Variants in GABBR2 observed in about 807,000 individuals in gnomAD.
The protein encoded by GABBR2 is gamma-aminobutyric acid type B receptor subunit 2, also known as G-protein coupled receptor 51.
Under a neutral mutation model 105.6 loss-of-function variants are expected in GABBR2, and 23 were observed. The ratio of observed to expected loss-of-function variants is 0.22; its 90% CI spans 0.16 to 0.31. The LOEUF is 0.31. GABBR2 is among the 10% of genes least tolerant of loss of function. The probability of loss-of-function intolerance (pLI) is 1.00; values close to 1 mark genes in which losing one functional copy is unlikely to be tolerated. For missense variants in GABBR2, 734 were observed against 1,245.5 expected, an observed-to-expected ratio of 0.59 and a Z score of 6.18; for synonymous variants, 478 against 499.7, an observed-to-expected ratio of 0.96 and a Z score of 0.58.
chr9:98,573,615 G>A (rs745818209), intron 2 of GABBR2, among the ~76,000 whole-genome samples: 58 of 152,130 alleles, frequency 3.8e-4, no homozygotes, highest in Non-Finnish European at 6.3e-4. Flanking sequence ...GTTAATTGAG[G>A]TAAAATATAC....
intron 1 of GABBR2, among the ~76,000 whole-genome samples, chr9:98,672,572 AGCCC>A (rs1830420694): frequency 1.3e-5 from 2 of 152,250 alleles, no homozygotes; most frequent in Non-Finnish European, 2.9e-5. Flanking sequence ...ATTCTGCTGA[AGCCC>A]TGCTGTTTGT....
At chr9:98,309,912 G>GATCA (rs1303445264) in intron 14 of GABBR2, among the ~76,000 whole-genome samples, 4 of 152,200 alleles carry the variant, frequency 2.6e-5, no homozygotes, top group Admixed American at 2.6e-4. Flanking sequence ...AAGGACACAG[G>GATCA]ATCAATCACT....
At chr9:98,312,574 C>G (rs1830652259) in intron 13 of GABBR2, among the ~76,000 whole-genome samples, 1 of 152,176 alleles carries the variant, frequency 6.6e-6, no homozygotes, top group African/African-American at 2.4e-5. Context: ...GTGTAAGTAT[C>G]CTGTTCCCCC....
intron 4 of GABBR2, 42 bp downstream of exon 4, chr9:98,496,371 T>A (rs1207342853): frequency 8.0e-7 from 1 of 1,252,126 alleles, no homozygotes; most frequent in South Asian, 1.2e-5. Flanking sequence ...CCCAGGGCAT[T>A]GAGATCAGTC....
intron 1 of GABBR2, among the ~76,000 whole-genome samples, chr9:98,599,154 C>A (rs1334470575): frequency 6.6e-6 from 1 of 152,162 alleles, no homozygotes; most frequent in Non-Finnish European, 1.5e-5. Flanking sequence ...GTGAGGACTC[C>A]AACCTAGGGG....
At chr9:98,417,174 T>C (rs974564827) in intron 7 of GABBR2, among the ~76,000 whole-genome samples, 4 of 152,078 alleles carry the variant, frequency 2.6e-5, no homozygotes, top group Admixed American at 2.0e-4. Flanking sequence ...TGAGTTGAGT[T>C]GAGTTGAATG....
At chr9:98,328,760 T>A (rs560220727) in intron 13 of GABBR2, among the ~76,000 whole-genome samples, 1 of 152,300 alleles carries the variant, frequency 6.6e-6, no homozygotes, top group East Asian at 1.9e-4. Context: ...GGGCCAGAAC[T>A]GCCTGGTGAC....
chr9:98,644,750 T>TG (rs1159707365), intron 1 of GABBR2, among the ~76,000 whole-genome samples: 1 of 152,144 alleles, frequency 6.6e-6, no homozygotes, highest in Non-Finnish European at 1.5e-5. Flanking sequence ...GAAAATTGCT[T>TG]GAACCTTGGA....
At chr9:98,647,193 A>T (rs929302175) in intron 1 of GABBR2, among the ~76,000 whole-genome samples, 12 of 152,242 alleles carry the variant, frequency 7.9e-5, no homozygotes, top group African/African-American at 2.7e-4. Context: ...CACCTCTAGG[A>T]AGAGGCCTCC....
intron 7 of GABBR2, among the ~76,000 whole-genome samples, chr9:98,447,085 G>A (rs1186590992): frequency 9.3e-5 from 8 of 85,606 alleles, no homozygotes; most frequent in Admixed American, 2.4e-4. Flanking sequence ...TTTTTGAGAC[G>A]GAGTCTCGCT....
At chr9:98,303,083 GT>G (rs1410966303) in intron 16 of GABBR2, among the ~76,000 whole-genome samples, 157 bp downstream of exon 16, 19 of 152,188 alleles carry the variant, frequency 1.2e-4, no homozygotes, top group Non-Finnish European at 1.0e-4. Context: ...CCTCTGTGTG[GT>G]TTATGTCACC....
chr9:98,422,496 C>CTGTGTGTGTGTGTGTGTG (rs370880704), intron 7 of GABBR2, among the ~76,000 whole-genome samples: 3 of 146,374 alleles, frequency 2.0e-5, no homozygotes, highest in African/African-American at 7.6e-5. Context: ...CTTAATGCAC[C>CTGTGTGTGTGTGTGTGTG]TGTGTGTGTG....
intron 3 of GABBR2, among the ~76,000 whole-genome samples, chr9:98,509,390 C>G (rs55965960): frequency 0.048 from 7,285 of 152,310 alleles, 260 homozygotes; most frequent in South Asian, 0.13. Context: ...AACACAGCTC[C>G]TCACCAGCAA....
intron 2 of GABBR2, among the ~76,000 whole-genome samples, chr9:98,571,162 A>G (rs1828824057): frequency 6.6e-6 from 1 of 152,202 alleles, no homozygotes; most frequent in Non-Finnish European, 1.5e-5. Flanking sequence ...GGGACACCCA[A>G]GCTGCACCAG....
intron 1 of GABBR2, among the ~76,000 whole-genome samples, chr9:98,589,737 C>T (rs1829121898): frequency 7.6e-6 from 1 of 132,314 alleles, no homozygotes; most frequent in African/African-American, 2.8e-5. Context: ...TTTTTAAAGA[C>T]AGGATCTCCC....
rs1384034704 is a variant in GABBR2 at position 98,326,319 on chromosome 9, A to G, written c.1894-15114T>C. Among the ~76,000 whole-genome samples, 8 of 152,332 alleles carry G rather than the reference A, an allele frequency of 5.3e-5. 1 individual carries two copies. In the South Asian group the frequency reaches 1.5e-3, roughly 28 times the overall value. ...CATATATAATCTCATGTGCTCCTGT[A>G]ATAATCCCATGCAAGGTAGGACAGG... On this transcript the variant is annotated intron_variant, in intron 13 of 18. Transcript: ENST00000259455.
chr9:98,414,495 T>G (rs1308665077), intron 7 of GABBR2, among the ~76,000 whole-genome samples: 1 of 152,234 alleles, frequency 6.6e-6, no homozygotes, highest in African/African-American at 2.4e-5. Flanking sequence ...CCAAGGATGC[T>G]GAGCTTCATT....
chr9:98,373,227 CGTTT>C (rs1462761174), intron 11 of GABBR2, among the ~76,000 whole-genome samples: 3 of 152,276 alleles, frequency 2.0e-5, no homozygotes, highest in South Asian at 2.1e-4. Context: ...TTCACTCATT[CGTTT>C]GTTTGTTCAT....
intron 1 of GABBR2, among the ~76,000 whole-genome samples, chr9:98,660,838 C>T (rs960514392): frequency 2.0e-5 from 3 of 152,202 alleles, no homozygotes; most frequent in Non-Finnish European, 4.4e-5. Flanking sequence ...CCTCCTGCCT[C>T]CTTCTTATAA....
Sources: allele counts gnomAD v4.1 joint callset (sites outside exome capture counted in the v4.1 genomes callset), GRCh38; gene constraint gnomAD v4.1.1; transcripts MANE v1.5; gene names NCBI Gene and HGNC (gene_info 2026-07-23, HGNC 2026-07-21).